The following ASAP1 variants were observed in gnomAD, a reference collection of about 807,000 sequenced individuals.
ASAP1 encodes the protein ArfGAP with SH3 domain, ankyrin repeat and PH domain 1.
Under a neutral mutation model 145.2 loss-of-function variants are expected in ASAP1, and 43 were observed. That is an observed-to-expected ratio of 0.30 (90% CI 0.23 to 0.38). ASAP1 has a LOEUF of 0.38. ASAP1 is among the 10% of genes least tolerant of loss of function. The pLI is 1.00. For synonymous variants in ASAP1, 546 were observed against 515.5 expected, an observed-to-expected ratio of 1.06 and a Z score of -0.80; for missense variants, 1,018 against 1,355.3, an observed-to-expected ratio of 0.75 and a Z score of 3.91.
intron 5 of ASAP1, among the ~76,000 whole-genome samples, chr8:130,188,563 G>A (rs1472164615): frequency 2.0e-5 from 3 of 151,636 alleles, no homozygotes; most frequent in Non-Finnish European, 2.9e-5. Flanking sequence ...GGGAGACACC[G>A]TCTCTGCTAA....
intron 3 of ASAP1, among the ~76,000 whole-genome samples, chr8:130,269,986 A>G (rs925273467): frequency 6.6e-6 from 1 of 152,164 alleles, no homozygotes; most frequent in African/African-American, 2.4e-5. Context: ...CCTGGCTAAC[A>G]TGGCGAAACC....
chr8:130,140,073 G>T (rs1213820578), intron 13 of ASAP1, among the ~76,000 whole-genome samples: 1 of 148,822 alleles, frequency 6.7e-6, no homozygotes, highest in East Asian at 2.0e-4. Flanking sequence ...CGCTTTGTCG[G>T]CCAGGCTAGA....
At chr8:130,073,705 GGCCCAT>G (rs1201371370) in intron 27 of ASAP1, among the ~76,000 whole-genome samples, 1 of 152,156 alleles carries the variant, frequency 6.6e-6, no homozygotes, top group Non-Finnish European at 1.5e-5. Flanking sequence ...CTTAACCGCT[GGCCCAT>G]CGGCTTGCAG....
At chr8:130,361,926 T>A (rs1207904574) in intron 2 of ASAP1, among the ~76,000 whole-genome samples, 41 of 152,152 alleles carry the variant, frequency 2.7e-4, no homozygotes, top group Non-Finnish European at 5.6e-4. Context: ...GCAAGCATCA[T>A]CTCTGTTGTC....
In ASAP1 at chr8:130,097,898, G is replaced by GA. The variant is rs1212911200; in HGVS notation, c.2402-5756dup. Among the ~76,000 whole-genome samples the GA allele has an allele frequency of 3.3e-5, 5 of 152,018 alleles. No homozygotes were observed. In the East Asian group the frequency reaches 5.8e-4, roughly 18 times the overall value. ...CAAGGCAATCTCTCCACTTAGCCCA[G>GA]AAAAAATGTCCTGGAAATTCATTCA... On this transcript the variant is annotated intron_variant, in intron 24 of 29. Coordinates refer to ENST00000518721, the MANE Select transcript of ASAP1 (RefSeq NM_018482.4).
At chr8:130,097,333 G>A (rs2097520610) in intron 24 of ASAP1, among the ~76,000 whole-genome samples, 1 of 151,748 alleles carries the variant, frequency 6.6e-6, no homozygotes, top group South Asian at 2.1e-4. Flanking sequence ...GTTCTCCAGG[G>A]GTTCTAAATG....
chr8:130,144,592 C>T (rs1332349105), intron 13 of ASAP1, among the ~76,000 whole-genome samples: 1 of 152,192 alleles, frequency 6.6e-6, no homozygotes, highest in Non-Finnish European at 1.5e-5. Flanking sequence ...CTGGTTCTTA[C>T]TGCCCTTAAA....
At position 130,115,550 on chromosome 8, in the gene ASAP1, C is replaced by T. The variant is rs140845811; in HGVS notation, c.2172+78G>A. ...ATAAAACCACAATCAATCAATCTCA[C>T]CAAAAATGGATCTTGTCTACACAGA... On this transcript the variant is annotated intron_variant, in intron 23 of 29. Transcript: ENST00000518721. 1.3e-3 allele frequency: 1,529 copies of T among 1,140,700 alleles called. 14 individuals carry two copies. In the African/African-American group the frequency reaches 0.021, roughly 15 times the overall value. The allele number at this position is 1,140,700 out of a possible 1,614,324, so 70.7% of individuals were successfully genotyped here.
At chr8:130,108,757 GTTTTTTTTTTTTTTTTT>G (rs10568607) in intron 24 of ASAP1, among the ~76,000 whole-genome samples, 150 of 51,566 alleles carry the variant, frequency 2.9e-3, no homozygotes, top group Admixed American at 4.1e-3. Context: ...TCAAAAACCA[GTTTTTTTTTTTTTTTTT>G]TTTTTTTTTT....
chr8:130,234,835 A>C (rs191003590), intron 4 of ASAP1, among the ~76,000 whole-genome samples: 18 of 152,304 alleles, frequency 1.2e-4, no homozygotes, highest in African/African-American at 3.6e-4. Flanking sequence ...TTCCTGAGAC[A>C]AACAATGGTT....
At chr8:130,116,569 T>A in intron 22 of ASAP1, 109 bp downstream of exon 22, 1 of 932,572 alleles carries the variant, frequency 1.1e-6, no homozygotes. Context: ...CTTTAGCAAG[T>A]GTTAAAAAAA....
Position 130,092,650 on chromosome 8 carries a change from T to C in ASAP1, c.2402-507A>G, listed in dbSNP as rs148085267. Among the ~76,000 whole-genome samples the C allele has an allele frequency of 3.7e-3, 562 of 152,142 alleles. 3 individuals are homozygous for C. The highest frequency in any genetic ancestry group is 0.013 in the African/African-American group (536 of 41,502). ...CAAAGGTAAGAAGAGTGTGTGCTTT[T>C]AGGAACAAAATGCCAGTCAACACAG... On this transcript the variant is annotated intron_variant, in intron 24 of 29. Transcript: ENST00000518721.
intron 27 of ASAP1, among the ~76,000 whole-genome samples, chr8:130,061,975 T>C (rs551325123): frequency 6.6e-6 from 1 of 152,350 alleles, no homozygotes; most frequent in African/African-American, 2.4e-5. Context: ...AACCTCTCTA[T>C]GCTGCAATTT....
intron 24 of ASAP1, among the ~76,000 whole-genome samples, chr8:130,111,209 C>CAAA (rs1233380567): frequency 3.8e-5 from 2 of 52,548 alleles, no homozygotes; most frequent in African/African-American, 5.3e-5. Context: ...CTCATCTCTA[C>CAAA]CAAAAAAAAA....
At chr8:130,075,934 TCACGA>T (rs1206675923) in intron 27 of ASAP1, among the ~76,000 whole-genome samples, 1 of 152,178 alleles carries the variant, frequency 6.6e-6, no homozygotes, top group African/African-American at 2.4e-5. Flanking sequence ...TTACAAAACC[TCACGA>T]AGTATTATTT....
At chr8:130,417,375 T>TC (rs2138680532) in intron 1 of ASAP1, among the ~76,000 whole-genome samples, 1 of 152,328 alleles carries the variant, frequency 6.6e-6, no homozygotes, top group East Asian at 1.9e-4. Context: ...CAGATGCCCT[T>TC]CCAGGGGCCC....
In ASAP1 at chr8:130,092,123, T is replaced by C. The variant is rs760991117; in HGVS notation, c.2422A>G (p.Thr808Ala). Residue 808 changes from threonine to alanine, a missense_variant, in exon 25 of 30, where the codon ACA becomes GCA. Physicochemically the swap from Thr to Ala is moderately conservative, Grantham distance 58. Transcript: ENST00000518721. ...AGKGPTGPPS[T>A]LPLSTQTSSG... Reference sequence around the variant, plus strand: ...GAGGTCTGGGTGCTTAGAGGGAGTGTTGAAGGTGGGCCAGTTGGACCTAGA... The same window carrying C: ...GAGGTCTGGGTGCTTAGAGGGAGTGCTGAAGGTGGGCCAGTTGGACCTAGA... 6 of 1,565,196 alleles carry C rather than the reference T, an allele frequency of 3.8e-6. No homozygotes were observed. The African/African-American group carries it at 8.5e-5, about 22-fold the overall frequency.
chr8:130,214,876 T>A (rs936425866), intron 4 of ASAP1, among the ~76,000 whole-genome samples, 175 bp from the exon 5 acceptor site: 1 of 152,158 alleles, frequency 6.6e-6, no homozygotes. Flanking sequence ...TAACTCACTC[T>A]ACTAAGGAAG....
chr8:130,186,986 G>A (rs936354069), intron 7 of ASAP1, among the ~76,000 whole-genome samples: 3 of 152,256 alleles, frequency 2.0e-5, no homozygotes, highest in South Asian at 2.1e-4. Context: ...CCATAAATGC[G>A]AGAACAACTG....
Sources: gnomAD v4.1 joint callset for allele counts (sites outside exome capture counted in the v4.1 genomes callset) on GRCh38, gnomAD v4.1.1 for gene constraint, MANE v1.5 for transcripts, NCBI Gene and HGNC (gene_info 2026-07-23, HGNC 2026-07-21) for gene names.